CDH9: variants seen among roughly 807,000 people sequenced by gnomAD.
The protein encoded by CDH9 is cadherin 9.
CDH9 carries 28 observed loss-of-function variants against 70.9 expected under a neutral mutation model. The observed-to-expected ratio is 0.40, with a 90% CI of 0.29 to 0.54. The LOEUF (loss-of-function observed/expected upper bound fraction) is 0.54. CDH9 is among the 20% of genes least tolerant of loss of function. The pLI is 0.59. For synonymous variants in CDH9, 409 were observed against 343.1 expected (o/e 1.19, Z -2.12); for missense variants, 874 against 984.4 (o/e 0.89, Z 1.50).
chr5:26,986,291 C>T (rs887461228), intron 2 of CDH9, among the ~76,000 whole-genome samples: 1 of 151,896 alleles, frequency 6.6e-6, no homozygotes, highest in African/African-American at 2.4e-5. Flanking sequence ...ATTCGCACAT[C>T]CTAACTTGTC....
At chr5:27,014,690 A>G (rs906002235) in intron 1 of CDH9, among the ~76,000 whole-genome samples, 1 of 151,894 alleles carries the variant, frequency 6.6e-6, no homozygotes, top group African/African-American at 2.4e-5. Context: ...TTTATAAGGA[A>G]ACATTAAGAA....
intron 1 of CDH9, 33 bp downstream of exon 1, chr5:27,038,430 C>T (rs1743430867): frequency 6.6e-6 from 1 of 151,906 alleles, no homozygotes; most frequent in South Asian, 2.1e-4. Context: ...AACTGAATAG[C>T]TTACATTGTC....
At chr5:27,016,862 C>A (rs566331991) in intron 1 of CDH9, among the ~76,000 whole-genome samples, 1 of 151,786 alleles carries the variant, frequency 6.6e-6, no homozygotes, top group Admixed American at 6.6e-5. Context: ...TTTATTCATT[C>A]AATATTAAAT....
chr5:26,902,829 C>A, intron 6 of CDH9, 100 bp from the exon 7 acceptor site: 1 of 641,896 alleles, frequency 1.6e-6, no homozygotes. Flanking sequence ...ATTATACCAA[C>A]AATTCTATTT....
intron 2 of CDH9, among the ~76,000 whole-genome samples, chr5:26,981,906 G>C (rs1742406111): frequency 6.6e-6 from 1 of 151,900 alleles, no homozygotes. Flanking sequence ...TTATGTTCCT[G>C]GTTTTTAACA....
At chr5:27,030,011 T>A (rs886523608) in intron 1 of CDH9, among the ~76,000 whole-genome samples, 1 of 152,008 alleles carries the variant, frequency 6.6e-6, no homozygotes, top group Non-Finnish European at 1.5e-5. Context: ...CCTACCTCCA[T>A]TAAAGGTAGT....
intron 1 of CDH9, among the ~76,000 whole-genome samples, chr5:26,993,698 C>CAAAAAAAAAA (rs34545141): frequency 7.8e-5 from 4 of 51,002 alleles, no homozygotes; most frequent in African/African-American, 1.7e-4. Flanking sequence ...TATTCAGCTG[C>CAAAAAAAAAA]AAAAAAAAAA....
Position 26,881,265 on chromosome 5 carries a change from T to G in CDH9, c.2241A>C (p.Ala747=). ...GAGATTCCAAAGAACTGAGCGAATC[T>G]GCTATGGAATCATTCCCTTCATAGG... ...TYAYEGNDSI[A]DSLSSLESLT... is the part of the protein sequence containing the mutation. Residue 747 remains alanine, a synonymous_variant, in exon 12 of 12, where the codon GCA becomes GCC. Coordinates refer to ENST00000231021, the MANE Select transcript of CDH9 (RefSeq NM_016279.4). The G allele has an allele frequency of 6.2e-7, 1 of 1,613,628 alleles. No individual in the cohort carries two copies. The highest frequency in any genetic ancestry group is 8.5e-7 in the Non-Finnish European group (1 of 1,179,648).
At position 27,015,423 on chromosome 5, in the gene CDH9, C is replaced by A. The variant is rs923439593; in HGVS notation, c.-50+23040G>T. 2.6e-5 allele frequency among the ~76,000 whole-genome samples: 4 copies of A among 151,662 alleles called. No homozygotes were observed. The Admixed American group carries it at 2.6e-4, about 10-fold the overall frequency. On this transcript the variant is annotated intron_variant, in intron 1 of 11. Coordinates refer to ENST00000231021, the MANE Select transcript of CDH9 (RefSeq NM_016279.4). Reference sequence around the variant, plus strand: ...TCTTGTGCATACTTCTCTGAAGAAACCTCATTTAACTCTGCCACAAAATAC... The same window carrying A: ...TCTTGTGCATACTTCTCTGAAGAAAACTCATTTAACTCTGCCACAAAATAC...
intron 2 of CDH9, among the ~76,000 whole-genome samples, chr5:26,916,307 A>G (rs1159604469): frequency 6.6e-6 from 1 of 151,964 alleles, no homozygotes; most frequent in East Asian, 1.9e-4. Context: ...CTAAGCTCTA[A>G]GATATGATTT....
chr5:26,948,068 A>T (rs1741784313), intron 2 of CDH9, among the ~76,000 whole-genome samples: 1 of 152,126 alleles, frequency 6.6e-6, no homozygotes, highest in African/African-American at 2.4e-5. Context: ...GTGCTTGGAT[A>T]TTCACAGACT....
intron 1 of CDH9, among the ~76,000 whole-genome samples, chr5:26,993,669 T>C (rs1742617810): frequency 8.9e-6 from 1 of 111,834 alleles, no homozygotes; most frequent in Admixed American, 1.4e-4. Flanking sequence ...TTGGATTTTA[T>C]AGGCCAGCTC....
intron 1 of CDH9, among the ~76,000 whole-genome samples, chr5:27,021,525 T>C (rs1166665854): frequency 2.6e-5 from 4 of 151,906 alleles, no homozygotes; most frequent in Non-Finnish European, 5.9e-5. Flanking sequence ...GTAAGACTAA[T>C]AACATTGAAG....
intron 2 of CDH9, among the ~76,000 whole-genome samples, chr5:26,935,268 G>GTACA (rs1420075013): frequency 6.6e-6 from 1 of 152,136 alleles, no homozygotes; most frequent in Non-Finnish European, 1.5e-5. Flanking sequence ...ACAAAAATTT[G>GTACA]TACAGCCAAT....
At chr5:26,941,230 A>G in intron 2 of CDH9, among the ~76,000 whole-genome samples, 1 of 152,214 alleles carries the variant, frequency 6.6e-6, no homozygotes, top group Admixed American at 6.5e-5. Flanking sequence ...CTGGGAACAT[A>G]TTAGTGTTCC....
intron 2 of CDH9, among the ~76,000 whole-genome samples, chr5:26,971,067 T>C (rs1381792117): frequency 6.6e-6 from 1 of 152,190 alleles, no homozygotes; most frequent in Admixed American, 6.5e-5. Flanking sequence ...TTTTGTCCTA[T>C]GAAGTTCCTT....
chr5:26,918,295 C>T (rs1741182109), intron 2 of CDH9, among the ~76,000 whole-genome samples: 1 of 152,010 alleles, frequency 6.6e-6, no homozygotes, highest in Non-Finnish European at 1.5e-5. Context: ...CAATTTCCTC[C>T]TTAGGGAGGC....
intron 11 of CDH9, among the ~76,000 whole-genome samples, chr5:26,885,174 G>C (rs1425942131): frequency 1.3e-5 from 2 of 152,130 alleles, no homozygotes; most frequent in Non-Finnish European, 2.9e-5. Flanking sequence ...ATAGAAAGGA[G>C]AACTCTATGG....
intron 1 of CDH9, among the ~76,000 whole-genome samples, chr5:27,037,287 A>C (rs1743410451): frequency 6.6e-6 from 1 of 151,852 alleles, no homozygotes; most frequent in African/African-American, 2.4e-5. Flanking sequence ...AGATTTAGAA[A>C]CCTTGTGAAA....
Sources: allele counts gnomAD v4.1 joint callset (sites outside exome capture counted in the v4.1 genomes callset), GRCh38; gene constraint gnomAD v4.1.1; transcripts MANE v1.5; gene names NCBI Gene and HGNC (gene_info 2026-07-23, HGNC 2026-07-21).